The following SASH1 variants were observed in gnomAD, a reference collection of about 807,000 sequenced individuals.
SASH1 encodes the protein SAM and SH3 domain containing 1.
A neutral mutation model predicts 125.2 loss-of-function variants in SASH1; 44 were observed. The ratio of observed to expected loss-of-function variants is 0.35; its 90% confidence interval spans 0.28 to 0.45. SASH1 has a LOEUF of 0.45. Among genes scored for constraint, SASH1 ranks in the 20% least tolerant of loss-of-function variants. SASH1 has a pLI of 1.00. For missense variants in SASH1, 1,426 were observed against 1,614.5 expected, an observed-to-expected ratio of 0.88 and a Z score of 2.00; for synonymous variants, 639 against 649.1, an observed-to-expected ratio of 0.98 and a Z score of 0.24.
intron 2 of SASH1, among the ~76,000 whole-genome samples, chr6:148,438,865 A>G (rs920044566): frequency 6.6e-6 from 1 of 152,072 alleles, no homozygotes; most frequent in Non-Finnish European, 1.5e-5. Flanking sequence ...GATTCCCAGA[A>G]CACTCCCCCA....
the SASH1 span, among the ~76,000 whole-genome samples, chr6:148,223,973 A>C: frequency 1.3e-5 from 2 of 152,202 alleles, no homozygotes; most frequent in African/African-American, 4.8e-5. Flanking sequence ...ATTTTACAGA[A>C]TTTTGTATAT....
At position 148,505,637 on chromosome 6, in the gene SASH1, T is replaced by G. The variant is rs569866856; in HGVS notation, c.730-8687T>G. Among the ~76,000 whole-genome samples the G allele has an allele frequency of 8.1e-4, 122 of 149,786 alleles. 3 individuals are homozygous for G. Among genetic ancestry groups the G allele is most frequent in the South Asian group, 8.0e-3 (38 of 4,724 alleles). On this transcript the variant is annotated intron_variant, in intron 8 of 19. Coordinates refer to ENST00000367467, the MANE Select transcript of SASH1 (RefSeq NM_015278.5). ...GTTGTTGGGTTTTTTTGTTGTTGTTTTTTTTTTTCTTTTTTCTTTTTGGAG... is the reference window on the plus strand; with the variant it reads ...GTTGTTGGGTTTTTTTGTTGTTGTTGTTTTTTTTCTTTTTTCTTTTTGGAG...
intron 1 of SASH1, among the ~76,000 whole-genome samples, chr6:148,353,120 G>C (rs905357493): frequency 2.0e-5 from 3 of 151,886 alleles, no homozygotes; most frequent in Non-Finnish European, 2.9e-5. Context: ...GCAGGCTGGA[G>C]TGCAGTGGTG....
chr6:148,540,553 A>G lies in SASH1; in HGVS notation c.2206A>G (p.Asn736Asp), dbSNP rs762271445. 6.2e-7 allele frequency: 1 copy of G among 1,612,358 alleles called. No homozygotes were observed. The highest frequency in any genetic ancestry group is 1.1e-5 in the South Asian group (1 of 90,956). ...GCYESSENLE[N>D]GKTRKASLLS... ...CTACGAAAGCAGTGAGAACCTGGAAAACGGTAATGTCAGCATGAGTCGCTG... is the reference window on the plus strand; with the variant it reads ...CTACGAAAGCAGTGAGAACCTGGAAGACGGTAATGTCAGCATGAGTCGCTG... The change falls in exon 17 of 20, where the codon AAC becomes GAC. Residue 736 changes from asparagine (N) to aspartate (D), a missense_variant. Coordinates refer to ENST00000367467, the MANE Select transcript of SASH1 (RefSeq NM_015278.5).
chr6:148,466,282 A>C (rs752724673), intron 4 of SASH1, among the ~76,000 whole-genome samples: 1 of 152,144 alleles, frequency 6.6e-6, no homozygotes, highest in Non-Finnish European at 1.5e-5. Context: ...ACTCTCCCTT[A>C]GTTTACAATA....
At chr6:148,211,511 C>T in the SASH1 span, among the ~76,000 whole-genome samples, 2 of 150,152 alleles carry the variant, frequency 1.3e-5, no homozygotes, top group Non-Finnish European at 2.9e-5. Flanking sequence ...GTGGAGGTTA[C>T]AGTGAGCCAA....
At chr6:148,213,539 G>C in the SASH1 span, among the ~76,000 whole-genome samples, 1 of 116,876 alleles carries the variant, frequency 8.6e-6, no homozygotes, top group African/African-American at 3.1e-5. Flanking sequence ...TGTGTTTAAA[G>C]TGTTGAGAAA....
intron 1 of SASH1, among the ~76,000 whole-genome samples, chr6:148,287,686 C>T (rs12530446): frequency 4.6e-4 from 62 of 133,786 alleles, no homozygotes; most frequent in Non-Finnish European, 7.4e-4. Context: ...TCAGTGCGTG[C>T]GTGTGTGTGG....
At chr6:148,446,355 G>A (rs562681837) in intron 4 of SASH1, among the ~76,000 whole-genome samples, 12 of 151,966 alleles carry the variant, frequency 7.9e-5, no homozygotes, top group African/African-American at 1.7e-4. Flanking sequence ...TGATCCGCCC[G>A]CCTTGGCCTC....
At chr6:148,468,841 C>T (rs1049189148) in intron 5 of SASH1, 33 of 327,758 alleles carry the variant, frequency 1.0e-4, no homozygotes, top group South Asian at 3.3e-4. Context: ...ATATTCTCTA[C>T]GTTAATACAG....
chr6:148,377,169 CA>C (rs59339599), intron 1 of SASH1, among the ~76,000 whole-genome samples: 42,135 of 93,080 alleles, frequency 0.45, 7,629 homozygotes, highest in South Asian at 0.54. Flanking sequence ...GACTCCGTCT[CA>C]AAAAAAAAAA....
chr6:148,483,205 G>C (rs1207461881), intron 7 of SASH1, among the ~76,000 whole-genome samples: 1 of 152,170 alleles, frequency 6.6e-6, no homozygotes, highest in Non-Finnish European at 1.5e-5. Flanking sequence ...TATGGTGGAA[G>C]GCAGTGTGTG....
the SASH1 span, among the ~76,000 whole-genome samples, chr6:148,266,767 AT>A: frequency 6.7e-5 from 10 of 148,526 alleles, no homozygotes; most frequent in East Asian, 3.9e-4. Flanking sequence ...TGCCCAGCCA[AT>A]TTTTTTTTAA....
intron 10 of SASH1, among the ~76,000 whole-genome samples, chr6:148,524,121 A>ATATATATATATTTT (rs1193506716): frequency 2.3e-4 from 29 of 128,596 alleles, no homozygotes; most frequent in East Asian, 2.0e-3. Flanking sequence ...ATATATATAT[A>ATATATATATATTTT]TTTTTTTTAA....
At chr6:148,411,945 C>G (rs1206140564) in intron 2 of SASH1, among the ~76,000 whole-genome samples, 2 of 152,228 alleles carry the variant, frequency 1.3e-5, no homozygotes, top group South Asian at 2.1e-4. Context: ...ACCCAAGTCT[C>G]TATGGAGGTT....
the SASH1 span, among the ~76,000 whole-genome samples, chr6:148,215,740 T>A: frequency 6.6e-6 from 1 of 152,208 alleles, no homozygotes; most frequent in Admixed American, 6.5e-5. Flanking sequence ...CAGGGTCAAC[T>A]GTAAAATCAG....
the SASH1 span, among the ~76,000 whole-genome samples, chr6:148,242,757 C>A: frequency 6.6e-6 from 1 of 152,060 alleles, no homozygotes; most frequent in Non-Finnish European, 1.5e-5. Flanking sequence ...CCTCAGGGTC[C>A]CTTATGCCGT....
At chr6:148,396,476 C>CA (rs1783955331) in intron 2 of SASH1, among the ~76,000 whole-genome samples, 1 of 46,990 alleles carries the variant, frequency 2.1e-5, no homozygotes, top group South Asian at 9.8e-4. Context: ...GACTGCATCT[C>CA]AGAAAAAAAA....
chr6:148,412,579 T>C (rs1346516160), intron 2 of SASH1, among the ~76,000 whole-genome samples: 1 of 152,230 alleles, frequency 6.6e-6, no homozygotes, highest in Admixed American at 6.5e-5. Context: ...CTGGATAATT[T>C]CTAAAGAAAA....
Sources: allele counts gnomAD v4.1 joint callset (sites outside exome capture counted in the v4.1 genomes callset), GRCh38; gene constraint gnomAD v4.1.1; transcripts MANE v1.5; gene names NCBI Gene and HGNC (gene_info 2026-07-23, HGNC 2026-07-21).